TBC1D15: variants seen among roughly 807,000 people sequenced by gnomAD.
TBC1D15 encodes TBC1 domain family member 15, also known as GAP for RAB7.
In TBC1D15, 39 loss-of-function variants were observed where a neutral mutation model predicts 95.4. The observed-to-expected ratio is 0.41, with a 90% CI of 0.32 to 0.53. TBC1D15 has a LOEUF of 0.53. Ranked by LOEUF, TBC1D15 falls within the 20% of genes least tolerant of loss-of-function variation. The pLI, the probability that TBC1D15 is intolerant of heterozygous loss-of-function variation, is 0.29. For synonymous variants in TBC1D15, 258 were observed against 261.3 expected (o/e 0.99, Z 0.12); for missense variants, 733 against 794.3 (o/e 0.92, Z 0.93).
At position 71,897,843 on chromosome 12, in the gene TBC1D15, A is replaced by G. The variant is rs1317767234; in HGVS notation, c.1089-4A>G. On this transcript the variant is annotated splice_region_variant and splice_polypyrimidine_tract_variant and intron_variant, in intron 9 of 16. Coordinates refer to ENST00000485960, the MANE Select transcript of TBC1D15 (RefSeq NM_001146213.3). Reference sequence around the variant, plus strand: ...TTTCTTTGATGTCAAATTGTTTTCTATAGTGATGAATACTTCAGAATGAAA... The same window carrying G: ...TTTCTTTGATGTCAAATTGTTTTCTGTAGTGATGAATACTTCAGAATGAAA... 11 of 1,608,224 alleles carry G rather than the reference A, an allele frequency of 6.8e-6. No homozygotes were observed. Among genetic ancestry groups the G allele is most frequent in the African/African-American group, 2.7e-5 (2 of 74,736 alleles).
intron 3 of TBC1D15, 95 bp downstream of exon 3, chr12:71,873,098 T>A: frequency 3.7e-6 from 3 of 815,234 alleles, no homozygotes; most frequent in Non-Finnish European, 5.8e-6. Context: ...TGCATCCTTT[T>A]AAAGCATACA....
At chr12:71,912,757 A>G (rs547059030) in intron 11 of TBC1D15, among the ~76,000 whole-genome samples, 2 of 152,252 alleles carry the variant, frequency 1.3e-5, no homozygotes, top group South Asian at 2.1e-4. Context: ...CAAATGAAAG[A>G]CTATTTTCCA....
Position 71,900,523 on chromosome 12 carries a change from A to T in TBC1D15, c.1183+2582A>T, listed in dbSNP as rs59663821. The stretch of plus-strand genomic sequence containing the variant: ...ATAAATGGGTTTAAATCACCAAGGG[A>T]TATTTCTGAAAACCAAATTGATTAT... On this transcript the variant is annotated intron_variant, in intron 10 of 16. Transcript: ENST00000485960. 9.2e-3 allele frequency among the ~76,000 whole-genome samples: 1,405 copies of T among 152,210 alleles called. 120 individuals carry two copies. In the East Asian group the frequency reaches 0.21, roughly 22 times the overall value.
chr12:71,914,288 G>T (rs1903151392), intron 12 of TBC1D15, among the ~76,000 whole-genome samples: 1 of 151,914 alleles, frequency 6.6e-6, no homozygotes, highest in African/African-American at 2.4e-5. Flanking sequence ...GCTTAGTCAT[G>T]CCAAGTAATA....
At chr12:71,869,135 AC>A (rs1348115534) in intron 1 of TBC1D15, among the ~76,000 whole-genome samples, 6 of 152,206 alleles carry the variant, frequency 3.9e-5, no homozygotes, top group Non-Finnish European at 8.8e-5. Flanking sequence ...TACTTATTTA[AC>A]TGGAGGATAG....
intron 1 of TBC1D15, among the ~76,000 whole-genome samples, chr12:71,852,135 C>T (rs986824144): frequency 1.3e-5 from 2 of 152,224 alleles, no homozygotes; most frequent in African/African-American, 4.8e-5. Context: ...GGCTTAACAT[C>T]ATGTGGAAAC....
chr12:71,884,449 C>T (rs1296766535), intron 4 of TBC1D15, among the ~76,000 whole-genome samples: 1 of 152,050 alleles, frequency 6.6e-6, no homozygotes, highest in East Asian at 1.9e-4. Flanking sequence ...AATGAAGTAA[C>T]TGAGGCTCAG....
At chr12:71,844,104 T>C (rs1032708601) in intron 1 of TBC1D15, among the ~76,000 whole-genome samples, 7 of 152,230 alleles carry the variant, frequency 4.6e-5, no homozygotes, top group Non-Finnish European at 1.0e-4. Context: ...TTTGATCTTC[T>C]AAATATCTTT....
At chr12:71,849,793 A>AGGCG in intron 1 of TBC1D15, 1 of 547,294 alleles carries the variant, frequency 1.8e-6, no homozygotes, top group African/African-American at 1.9e-5. Flanking sequence ...TTGACTCTGA[A>AGGCG]AATTTTAATA....
chr12:71,923,414 A>T lies in TBC1D15; in HGVS notation c.*210A>T, dbSNP rs1334416974. 2.1e-6 allele frequency: 1 copy of T among 479,542 alleles called. No homozygotes were observed. The highest frequency in any genetic ancestry group is 3.7e-6 in the Non-Finnish European group (1 of 272,116). The allele number at this position is 479,542 out of a possible 1,614,324, so 29.7% of individuals were successfully genotyped here. On this transcript the variant is annotated 3_prime_UTR_variant, in exon 17 of 17. Coordinates refer to ENST00000485960, the MANE Select transcript of TBC1D15 (RefSeq NM_001146213.3). ...CAAATAGCCTTTCCTTTTCGATAAC[A>T]TTCCTCAGTATTTTTATAGCCAAGT...
intron 3 of TBC1D15, among the ~76,000 whole-genome samples, chr12:71,879,791 T>A (rs1894769260): frequency 6.6e-6 from 1 of 152,196 alleles, no homozygotes. Flanking sequence ...AATAAATTAA[T>A]AGGAGTTGTT....
At chr12:71,882,524 A>G (rs1187922483) in intron 4 of TBC1D15, among the ~76,000 whole-genome samples, 1 of 152,214 alleles carries the variant, frequency 6.6e-6, no homozygotes, top group African/African-American at 2.4e-5. Flanking sequence ...GTATTTGGTA[A>G]CATAGTAAAT....
chr12:71,879,309 A>G (rs1367608097), intron 3 of TBC1D15, among the ~76,000 whole-genome samples: 2 of 151,784 alleles, frequency 1.3e-5, no homozygotes, highest in Non-Finnish European at 2.9e-5. Flanking sequence ...ACTTTTTTGT[A>G]TTTTTTGTAG....
chr12:71,919,868 C>A (rs188791187), intron 14 of TBC1D15, among the ~76,000 whole-genome samples: 6 of 152,192 alleles, frequency 3.9e-5, no homozygotes, highest in Non-Finnish European at 7.4e-5. Flanking sequence ...AATATTATTA[C>A]CACATAGCTA....
intron 3 of TBC1D15, among the ~76,000 whole-genome samples, chr12:71,878,186 A>T (rs1894368155): frequency 6.6e-6 from 1 of 152,188 alleles, no homozygotes; most frequent in African/African-American, 2.4e-5. Context: ...TTCTTTGTAT[A>T]GGTTGACTTT....
intron 8 of TBC1D15, 147 bp from the exon 9 acceptor site, chr12:71,896,526 TAAAA>T: frequency 1.5e-6 from 1 of 668,504 alleles, no homozygotes; most frequent in Middle Eastern, 4.3e-4. Context: ...GATCTAGAAG[TAAAA>T]AACAAGATGA....
chr12:71,920,113 A>T (rs1308766535), intron 14 of TBC1D15, among the ~76,000 whole-genome samples: 2 of 152,138 alleles, frequency 1.3e-5, no homozygotes, highest in Non-Finnish European at 1.5e-5. Context: ...AGCAGGGGGA[A>T]ATTAAGACCC....
At chr12:71,889,513 A>G (rs1896850740) in intron 5 of TBC1D15, among the ~76,000 whole-genome samples, 1 of 152,204 alleles carries the variant, frequency 6.6e-6, no homozygotes, top group African/African-American at 2.4e-5. Context: ...TAGATTTTAT[A>G]GACTCCAAGT....
intron 1 of TBC1D15, among the ~76,000 whole-genome samples, chr12:71,862,300 T>C (rs1890556377): frequency 6.6e-6 from 1 of 152,184 alleles, no homozygotes; most frequent in Non-Finnish European, 1.5e-5. Flanking sequence ...ACTGTTACTG[T>C]ATTGGAGTAT....
Sources: gnomAD v4.1 joint callset for allele counts (sites outside exome capture counted in the v4.1 genomes callset) on GRCh38, gnomAD v4.1.1 for gene constraint, MANE v1.5 for transcripts, NCBI Gene and HGNC (gene_info 2026-07-23, HGNC 2026-07-21) for gene names.